CDK15: variants seen among roughly 807,000 people sequenced by gnomAD.
CDK15 encodes the protein cyclin dependent kinase 15, also known as cyclin-dependent kinase 15.
CDK15 carries 62 observed loss-of-function variants against 60.3 expected under a neutral mutation model. The observed-to-expected ratio is 1.03, with a 90% CI of 0.84 to 1.27. The LOEUF is 1.27. Among genes scored for constraint, CDK15 ranks in the 50% most tolerant of loss-of-function variants. The pLI, the probability that CDK15 is intolerant of heterozygous loss-of-function variation, is 0.00. For synonymous variants in CDK15, 194 were observed against 195.7 expected, an observed-to-expected ratio of 0.99 and a Z score of 0.07; for missense variants, 541 against 527.8, an observed-to-expected ratio of 1.03 and a Z score of -0.25.
intron 8 of CDK15, among the ~76,000 whole-genome samples, chr2:201,841,872 T>G (rs949709963): frequency 3.3e-5 from 5 of 152,234 alleles, no homozygotes; most frequent in Non-Finnish European, 7.3e-5. Context: ...TTTTCTTCTC[T>G]CTCTTTCTGC....
chr2:201,864,795 G>A (rs1006782025), intron 10 of CDK15, among the ~76,000 whole-genome samples: 6 of 152,198 alleles, frequency 3.9e-5, no homozygotes, highest in Non-Finnish European at 7.3e-5. Context: ...TGAGATTAAG[G>A]TATCTGTGGA....
At chr2:201,808,776 G>C (rs1226628699) in intron 3 of CDK15, 1 of 151,644 alleles carries the variant, frequency 6.6e-6, no homozygotes, top group East Asian at 1.9e-4. Context: ...CACTTAACTG[G>C]CCAAAAACGA....
intron 4 of CDK15, among the ~76,000 whole-genome samples, chr2:201,817,828 G>C (rs556105404): frequency 1.3e-5 from 2 of 152,294 alleles, no homozygotes; most frequent in African/African-American, 4.8e-5. Context: ...ATAATGCCAG[G>C]ATAATGGTAT....
chr2:201,838,862 G>A (rs1697244208), intron 8 of CDK15, among the ~76,000 whole-genome samples: 1 of 151,936 alleles, frequency 6.6e-6, no homozygotes, highest in South Asian at 2.1e-4. Context: ...TTTTTCATCA[G>A]TATTCTCATA....
chr2:201,859,729 T>A (rs1698306640), intron 10 of CDK15, among the ~76,000 whole-genome samples: 2 of 152,204 alleles, frequency 1.3e-5, no homozygotes, highest in Non-Finnish European at 2.9e-5. Flanking sequence ...GTATTAAAAA[T>A]AGTTAATTTT....
intron 10 of CDK15, among the ~76,000 whole-genome samples, chr2:201,868,364 G>A (rs1051529818): frequency 4.6e-5 from 7 of 152,154 alleles, no homozygotes; most frequent in East Asian, 1.9e-4. Context: ...AATATCTTCC[G>A]GTCACACAGC....
chr2:201,891,146 G>A (rs1699627564), intron 13 of CDK15, among the ~76,000 whole-genome samples: 1 of 152,226 alleles, frequency 6.6e-6, no homozygotes, highest in South Asian at 2.1e-4. Context: ...CACTCCCGGA[G>A]CAGGGATAAA....
chr2:201,867,577 A>G (rs1487081132), intron 10 of CDK15, among the ~76,000 whole-genome samples: 2 of 134,908 alleles, frequency 1.5e-5, no homozygotes, highest in Non-Finnish European at 3.3e-5. Context: ...GTGAGCTGTG[A>G]TCATGCTCAT....
Position 201,861,216 on chromosome 2 carries a change from C to T in CDK15, c.1009+6279C>T, listed in dbSNP as rs77576511. ...ATCTGCAAAATGGGAGAAATCCTAT[C>T]ATTGTAAAAGTGTTTCCTATGTGCC... is the stretch of plus-strand genomic sequence containing the variant. On this transcript the variant is annotated intron_variant, in intron 10 of 13. Coordinates refer to ENST00000652192, the MANE Select transcript of CDK15 (RefSeq NM_001366386.2). The T allele has an allele frequency of 4.3e-4, 442 of 1,024,362 alleles. 1 individual carries two copies. Among genetic ancestry groups the T allele is most frequent in the Middle Eastern group, 9.7e-4 (2 of 2,056 alleles). The allele number at this position is 1,024,362 out of a possible 1,614,324, so 63.5% of individuals were successfully genotyped here.
intron 9 of CDK15, among the ~76,000 whole-genome samples, chr2:201,849,358 A>T (rs1697807100): frequency 6.6e-6 from 1 of 152,190 alleles, no homozygotes. Flanking sequence ...CTCTTCTTTC[A>T]CTTAGCAGTA....
chr2:201,844,392 C>T (rs1697547397), intron 8 of CDK15, among the ~76,000 whole-genome samples: 1 of 152,140 alleles, frequency 6.6e-6, no homozygotes, highest in Non-Finnish European at 1.5e-5. Flanking sequence ...TGCTAGCAAC[C>T]AGGGTGTTTT....
intron 11 of CDK15, among the ~76,000 whole-genome samples, chr2:201,878,316 CCCATTTTTGTCCTGGGCCAG>C (rs1699156123): frequency 6.6e-6 from 1 of 152,120 alleles, no homozygotes; most frequent in Admixed American, 6.6e-5. Flanking sequence ...GGCCTCTCTC[CCCATTTTTGTCCTGGGCCAG>C]CCAACTGGCC....
chr2:201,839,761 G>T (rs1697290194), intron 8 of CDK15, among the ~76,000 whole-genome samples: 1 of 152,162 alleles, frequency 6.6e-6, no homozygotes, highest in African/African-American at 2.4e-5. Context: ...GAGGATATAA[G>T]AGAGTTCTTT....
At chr2:201,832,198 A>C (rs1696786383) in intron 6 of CDK15, among the ~76,000 whole-genome samples, 2 of 152,002 alleles carry the variant, frequency 1.3e-5, no homozygotes, top group African/African-American at 4.8e-5. Flanking sequence ...AGCATATACC[A>C]CCACATCTGG....
At chr2:201,835,808 GT>G (rs763178341) in intron 8 of CDK15, 45 bp downstream of exon 8, 2 of 1,404,096 alleles carry the variant, frequency 1.4e-6, no homozygotes, top group South Asian at 3.8e-5. Flanking sequence ...ACTCACGAGG[GT>G]TGCTTTATCA....
chr2:201,839,832 T>G (rs559207212), intron 8 of CDK15, among the ~76,000 whole-genome samples: 11 of 152,312 alleles, frequency 7.2e-5, no homozygotes, highest in African/African-American at 2.4e-4. Flanking sequence ...TGCCTCCAAA[T>G]TGCGAAATCC....
chr2:201,883,079 G>T (rs1699339028), intron 12 of CDK15, among the ~76,000 whole-genome samples: 1 of 152,212 alleles, frequency 6.6e-6, no homozygotes, highest in Non-Finnish European at 1.5e-5. Context: ...TGAGTGATTT[G>T]TAAGGAGAGT....
At chr2:201,836,037 T>TA (rs1559126047) in intron 8 of CDK15, among the ~76,000 whole-genome samples, 39 of 55,286 alleles carry the variant, frequency 7.1e-4, no homozygotes, top group Admixed American at 3.0e-3. Flanking sequence ...TATATATATT[T>TA]TATATATATT....
intron 6 of CDK15, among the ~76,000 whole-genome samples, chr2:201,828,900 C>A (rs1696626305): frequency 6.6e-6 from 1 of 152,188 alleles, no homozygotes; most frequent in Admixed American, 6.5e-5. Flanking sequence ...CCTAATCATG[C>A]CTTGGTCTTT....
Sources: allele counts gnomAD v4.1 joint callset (sites outside exome capture counted in the v4.1 genomes callset), GRCh38; gene constraint gnomAD v4.1.1; transcripts MANE v1.5; gene names NCBI Gene and HGNC (gene_info 2026-07-23, HGNC 2026-07-21).